The following PPP2R2C variants were observed in gnomAD, a reference collection of about 807,000 sequenced individuals.
The protein encoded by PPP2R2C is protein phosphatase 2 regulatory subunit Bgamma, also known as protein phosphatase 2, regulatory subunit B, gamma.
Under a neutral mutation model 45.3 loss-of-function variants are expected in PPP2R2C, and 10 were observed. The ratio of observed to expected loss-of-function variants is 0.22; its 90% CI spans 0.14 to 0.37. PPP2R2C has a LOEUF of 0.37. PPP2R2C is among the 10% of genes least tolerant of loss of function. The pLI, the probability that PPP2R2C is intolerant of heterozygous loss-of-function variation, is 1.00. For missense variants in PPP2R2C, 308 were observed against 619.7 expected, an observed-to-expected ratio of 0.50 and a Z score of 5.34; for synonymous variants, 257 against 245.4, an observed-to-expected ratio of 1.05 and a Z score of -0.44.
chr4:6,341,131 C>A (rs978798612), intron 6 of PPP2R2C, among the ~76,000 whole-genome samples: 1 of 152,220 alleles, frequency 6.6e-6, no homozygotes, highest in African/African-American at 2.4e-5. Flanking sequence ...CACCTGACGT[C>A]AGGAGTTTGA....
At chr4:6,377,224 G>GTGCT (rs1462930824) in intron 3 of PPP2R2C, among the ~76,000 whole-genome samples, 1 of 152,202 alleles carries the variant, frequency 6.6e-6, no homozygotes, top group African/African-American at 2.4e-5. Flanking sequence ...AGCCTGGCTG[G>GTGCT]TGCTTGTGCA....
intron 1 of PPP2R2C, among the ~76,000 whole-genome samples, chr4:6,462,663 A>C (rs973932687): frequency 5.9e-5 from 9 of 152,214 alleles, no homozygotes; most frequent in African/African-American, 2.2e-4. Flanking sequence ...GGGGACGTTC[A>C]TAAAATGGAC....
intron 5 of PPP2R2C, among the ~76,000 whole-genome samples, chr4:6,353,060 C>G (rs1712711269): frequency 6.6e-6 from 1 of 152,122 alleles, no homozygotes; most frequent in Non-Finnish European, 1.5e-5. Context: ...CTAGAACCTT[C>G]AGAGAGAGCA....
chr4:6,404,005 C>G (rs10021738), intron 1 of PPP2R2C, among the ~76,000 whole-genome samples: 7,245 of 152,264 alleles, frequency 0.048, 380 homozygotes, highest in African/African-American at 0.12. Context: ...CTGCCACCAC[C>G]TAGCTGTGTG....
intron 2 of PPP2R2C, among the ~76,000 whole-genome samples, chr4:6,514,874 G>A (rs1243667349): frequency 6.6e-6 from 1 of 152,230 alleles, no homozygotes; most frequent in East Asian, 1.9e-4. Context: ...AGCTTCAGGT[G>A]TTGCCTGCAA....
chr4:6,345,788 G>T lies in PPP2R2C; in HGVS notation c.790+2058C>A, dbSNP rs186311015. On this transcript the variant is annotated intron_variant, in intron 6 of 8. Coordinates refer to ENST00000382599, the MANE Select transcript of PPP2R2C (RefSeq NM_020416.4). This position sits in a 1 kb window ranked among gnomAD's most constrained non-coding sequence, Gnocchi z 5.3. ...CAAGTGTGTGGTCCTTTGTTGTGGC[G>T]CACAGGACGCAGCCCCGAGCCCCCT... 3.3e-5 allele frequency among the ~76,000 whole-genome samples: 5 copies of T among 152,046 alleles called. No homozygotes were observed. The highest frequency in any genetic ancestry group is 6.6e-5 in the Admixed American group (1 of 15,262).
At chr4:6,420,378 C>G (rs542797913) in intron 1 of PPP2R2C, among the ~76,000 whole-genome samples, 1 of 151,390 alleles carries the variant, frequency 6.6e-6, no homozygotes, top group East Asian at 1.9e-4. Context: ...CTGTCCCGTT[C>G]TATCAACAGC....
intron 1 of PPP2R2C, chr4:6,382,716 C>G: frequency 2.7e-6 from 1 of 376,668 alleles, no homozygotes; most frequent in South Asian, 2.7e-5. Flanking sequence ...CACACACACA[C>G]CCCACATCCA....
At chr4:6,393,989 G>A (rs80165931) in intron 1 of PPP2R2C, among the ~76,000 whole-genome samples, 9,752 of 152,304 alleles carry the variant, frequency 0.064, 418 homozygotes, top group Non-Finnish European at 0.094. Context: ...ACAGGGTCAA[G>A]GTGAGGGAGA....
chr4:6,527,962 C>T (rs1457054464), intron 2 of PPP2R2C, among the ~76,000 whole-genome samples: 2 of 152,334 alleles, frequency 1.3e-5, no homozygotes, highest in Non-Finnish European at 2.9e-5. Flanking sequence ...GACTCCAAGC[C>T]CCAGGACATG....
At chr4:6,367,317 G>C (rs1455272604) in intron 5 of PPP2R2C, among the ~76,000 whole-genome samples, 1 of 152,158 alleles carries the variant, frequency 6.6e-6, no homozygotes, top group Non-Finnish European at 1.5e-5. Context: ...ATGCGACATG[G>C]TGGAAAACCT....
At chr4:6,397,125 C>T (rs748685862) in intron 1 of PPP2R2C, among the ~76,000 whole-genome samples, 4 of 152,272 alleles carry the variant, frequency 2.6e-5, no homozygotes, top group Non-Finnish European at 4.4e-5. Context: ...AGAGCTTGGA[C>T]TCCTCATACA....
At chr4:6,372,982 T>G (rs1204016538) in intron 4 of PPP2R2C, among the ~76,000 whole-genome samples, 1 of 152,182 alleles carries the variant, frequency 6.6e-6, no homozygotes, top group Non-Finnish European at 1.5e-5. Flanking sequence ...AAAAAGATAC[T>G]GTGGCAGAGC....
chr4:6,407,467 C>T (rs1271885847), intron 1 of PPP2R2C, among the ~76,000 whole-genome samples: 1 of 152,218 alleles, frequency 6.6e-6, no homozygotes. Context: ...ACGATCTCAG[C>T]TCACTGCAAC....
At chr4:6,426,782 G>A (rs367993796) in intron 1 of PPP2R2C, among the ~76,000 whole-genome samples, 24 of 152,174 alleles carry the variant, frequency 1.6e-4, no homozygotes, top group East Asian at 9.6e-4. Context: ...CAGACACCAA[G>A]CCCTGAGCCA....
intron 5 of PPP2R2C, among the ~76,000 whole-genome samples, chr4:6,366,573 C>A (rs992060949): frequency 6.6e-6 from 1 of 152,194 alleles, no homozygotes; most frequent in African/African-American, 2.4e-5. Context: ...TGACCGGGGG[C>A]AGCCAAGGAG....
At chr4:6,413,735 C>A (rs1168263363) in intron 1 of PPP2R2C, among the ~76,000 whole-genome samples, 2 of 152,220 alleles carry the variant, frequency 1.3e-5, no homozygotes, top group African/African-American at 4.8e-5. Flanking sequence ...TTCTTGGACA[C>A]CCCAACAATC....
chr4:6,361,335 G>A (rs984231283), intron 5 of PPP2R2C, among the ~76,000 whole-genome samples: 3 of 152,184 alleles, frequency 2.0e-5, no homozygotes, highest in African/African-American at 4.8e-5. Flanking sequence ...ATTCATAAGT[G>A]CTTAGAAAGG....
At chr4:6,442,887 T>C (rs1178220983) in intron 1 of PPP2R2C, among the ~76,000 whole-genome samples, 1 of 152,202 alleles carries the variant, frequency 6.6e-6, no homozygotes, top group African/African-American at 2.4e-5. Context: ...AGTGGGACGC[T>C]CTGCGTGATG....
Sources: allele counts gnomAD v4.1 joint callset (sites outside exome capture counted in the v4.1 genomes callset), GRCh38; gene constraint gnomAD v4.1.1; non-coding constraint Gnocchi (gnomAD v3.1); transcripts MANE v1.5; gene names NCBI Gene and HGNC (gene_info 2026-07-23, HGNC 2026-07-21).